GIGYF2: variants seen among roughly 807,000 people sequenced by gnomAD.
The protein encoded by GIGYF2 is GRB10 interacting GYF protein 2, also known as GRB10-interacting GYF protein 2.
In GIGYF2, 25 loss-of-function variants were observed where a neutral mutation model predicts 208.1. That is an observed-to-expected ratio of 0.12 (90% CI 0.09 to 0.17). The LOEUF (loss-of-function observed/expected upper bound fraction) is 0.17. Ranked by LOEUF, GIGYF2 falls within the 10% of genes least tolerant of loss-of-function variation. The pLI is 1.00. For synonymous variants in GIGYF2, 534 were observed against 543.8 expected (o/e 0.98, Z 0.25); for missense variants, 1,302 against 1,579.4 (o/e 0.82, Z 2.98).
At chr2:232,847,264 T>G in intron 26 of GIGYF2, 84 bp from the exon 27 acceptor site, 1 of 1,327,980 alleles carries the variant, frequency 7.5e-7, no homozygotes, top group African/African-American at 1.4e-5. Flanking sequence ...GGTATAAAGA[T>G]ACATTAAAAA....
intron 16 of GIGYF2, 96 bp from the exon 17 acceptor site, chr2:232,811,148 C>CT (rs763173683): frequency 5.2e-5 from 38 of 724,718 alleles, no homozygotes; most frequent in Non-Finnish European, 9.1e-5. Flanking sequence ...ATAATGTCTC[C>CT]TGGGGGGCTT....
At position 232,716,032 on chromosome 2, in the gene GIGYF2, CT is replaced by C. The variant is rs1696660327; in HGVS notation, c.-44+12544del. 3.3e-5 allele frequency among the ~76,000 whole-genome samples: 5 copies of C among 152,236 alleles called. No homozygotes were observed. The South Asian group carries it at 1.0e-3, about 32-fold the overall frequency. On this transcript the variant is annotated intron_variant, in intron 2 of 28. Coordinates refer to ENST00000373563, the MANE Select transcript of GIGYF2 (RefSeq NM_001103146.3). ...AGGACAAATCATTAATTTCACCTCA[CT>C]AATATTCCTTTGTCTTGTGTTCTTT...
At chr2:232,842,257 G>A (rs1468355212) in intron 23 of GIGYF2, among the ~76,000 whole-genome samples, 2 of 151,870 alleles carry the variant, frequency 1.3e-5, no homozygotes, top group East Asian at 3.9e-4. Flanking sequence ...GTGGTGTGAT[G>A]GTAACTCACT....
chr2:232,745,855 G>A (rs555049868), intron 3 of GIGYF2, among the ~76,000 whole-genome samples: 5 of 152,206 alleles, frequency 3.3e-5, no homozygotes, highest in South Asian at 2.1e-4. Context: ...AACCCAAATT[G>A]ATGAAAATCT....
chr2:232,784,382 A>ATTTTTTTTTT (rs1360964345), intron 8 of GIGYF2, among the ~76,000 whole-genome samples: 34 of 70,390 alleles, frequency 4.8e-4, no homozygotes, highest in Non-Finnish European at 6.9e-4. Context: ...ACACGAAATA[A>ATTTTTTTTTT]TTTCTTTTTT....
chr2:232,772,694 C>T (rs1699317730), intron 8 of GIGYF2, among the ~76,000 whole-genome samples: 1 of 152,170 alleles, frequency 6.6e-6, no homozygotes, highest in African/African-American at 2.4e-5. Flanking sequence ...GAGTGAGCCT[C>T]TCTTGTTTGC....
intron 2 of GIGYF2, among the ~76,000 whole-genome samples, chr2:232,707,795 G>A (rs1358484921): frequency 1.3e-5 from 2 of 151,766 alleles, no homozygotes; most frequent in African/African-American, 2.4e-5. Flanking sequence ...GTGCCACCAT[G>A]CCCGGCTAAT....
chr2:232,768,573 C>T, intron 8 of GIGYF2: 1 of 1,614,138 alleles, frequency 6.2e-7, no homozygotes, highest in Non-Finnish European at 8.5e-7. Flanking sequence ...GAAGAATGGA[C>T]ATTCGTCAGA....
intron 2 of GIGYF2, among the ~76,000 whole-genome samples, chr2:232,711,232 C>T (rs1470680150): frequency 3.4e-5 from 5 of 148,040 alleles, no homozygotes; most frequent in East Asian, 2.0e-4. Flanking sequence ...GGACTCCAGG[C>T]GTGCCACCAT....
At chr2:232,855,787 A>G (rs1243605835) in intron 28 of GIGYF2, among the ~76,000 whole-genome samples, 1 of 152,094 alleles carries the variant, frequency 6.6e-6, no homozygotes, top group Non-Finnish European at 1.5e-5. Context: ...CCTCCATGGT[A>G]ACCCCCCTGC....
chr2:232,851,423 T>C (rs1690326178), intron 28 of GIGYF2, among the ~76,000 whole-genome samples: 1 of 150,112 alleles, frequency 6.7e-6, no homozygotes. Flanking sequence ...ATTTTTTTTT[T>C]CTTTTTCTTT....
At chr2:232,784,420 T>G (rs1318213590) in intron 8 of GIGYF2, among the ~76,000 whole-genome samples, 1 of 120,190 alleles carries the variant, frequency 8.3e-6, no homozygotes, top group East Asian at 2.7e-4. Flanking sequence ...GACGGAGTCT[T>G]GCTCTGTCAC....
At chr2:232,847,976 T>C (rs1370666715) in intron 27 of GIGYF2, among the ~76,000 whole-genome samples, 2 of 152,202 alleles carry the variant, frequency 1.3e-5, no homozygotes, top group African/African-American at 4.8e-5. Context: ...TTGTTGGGGA[T>C]GTAAAAAATA....
chr2:232,767,417 T>C (rs1207633004), intron 8 of GIGYF2: 1 of 152,578 alleles, frequency 6.6e-6, no homozygotes. Context: ...AGAAGTCATT[T>C]AGATGAATCA....
chr2:232,784,701 A>G (rs924724558), intron 8 of GIGYF2, among the ~76,000 whole-genome samples: 7 of 152,134 alleles, frequency 4.6e-5, no homozygotes, highest in African/African-American at 1.4e-4. Context: ...AAAAGCTGCA[A>G]TATGGTTTTT....
At chr2:232,807,318 C>T (rs1302685440) in intron 15 of GIGYF2, among the ~76,000 whole-genome samples, 1 of 152,082 alleles carries the variant, frequency 6.6e-6, no homozygotes, top group African/African-American at 2.4e-5. Context: ...TGCTTGAGCC[C>T]AGGAGTTTAA....
At chr2:232,747,814 C>A in intron 4 of GIGYF2, 70 bp downstream of exon 4, 2 of 1,397,480 alleles carry the variant, frequency 1.4e-6, no homozygotes, top group Non-Finnish European at 2.0e-6. Context: ...TGTACTGATA[C>A]ATGAAAACTG....
intron 8 of GIGYF2, among the ~76,000 whole-genome samples, chr2:232,782,923 C>A (rs1395212485): frequency 6.6e-6 from 1 of 152,046 alleles, no homozygotes; most frequent in African/African-American, 2.4e-5. Context: ...TTTTAAAAAT[C>A]TAGGTGGTAG....
intron 20 of GIGYF2, among the ~76,000 whole-genome samples, chr2:232,819,031 C>T (rs1700997331): frequency 6.6e-6 from 1 of 151,386 alleles, no homozygotes; most frequent in East Asian, 1.9e-4. Context: ...GTGCTTGGCT[C>T]ATTTTTCCAT....
Sources: allele counts gnomAD v4.1 joint callset (sites outside exome capture counted in the v4.1 genomes callset), GRCh38; gene constraint gnomAD v4.1.1; transcripts MANE v1.5; gene names NCBI Gene and HGNC (gene_info 2026-07-23, HGNC 2026-07-21).